The following RNPEP variants were observed in gnomAD, a reference collection of about 807,000 sequenced individuals.
The protein encoded by RNPEP is arginyl aminopeptidase, also known as aminopeptidase B.
In RNPEP, 57 loss-of-function variants were observed where a neutral mutation model predicts 70.1. The ratio of observed to expected loss-of-function variants is 0.81; its 90% CI spans 0.66 to 1.01. The LOEUF is 1.01. Ranked by LOEUF, RNPEP falls within the 50% of genes least tolerant of loss-of-function variation. RNPEP has a pLI of 0.00. For missense variants in RNPEP, 787 were observed against 852.4 expected, an observed-to-expected ratio of 0.92 and a Z score of 0.96; for synonymous variants, 335 against 357.4, an observed-to-expected ratio of 0.94 and a Z score of 0.71.
intron 8 of RNPEP, chr1:202,003,000 A>G: frequency 2.0e-6 from 1 of 489,252 alleles, no homozygotes; most frequent in Non-Finnish European, 3.7e-6. Context: ...GGCTCTGACA[A>G]CACAGTGCTA....
intron 6 of RNPEP, 27 bp from the exon 7 acceptor site, chr1:202,001,349 A>C (rs1683798206): frequency 6.5e-7 from 1 of 1,528,716 alleles, no homozygotes; most frequent in Admixed American, 1.7e-5. Flanking sequence ...CAAAAGCTCA[A>C]ATCTTGTCTG....
chr1:201,983,209 AGG>A, intron 1 of RNPEP, 96 bp downstream of exon 1: 1 of 1,392,584 alleles, frequency 7.2e-7, no homozygotes, highest in Non-Finnish European at 9.2e-7. Context: ...GAGGAGGGAC[AGG>A]GAGGACCCTT....
chr1:202,005,505 G>A, intron 10 of RNPEP, 53 bp from the exon 11 acceptor site: 1 of 1,602,018 alleles, frequency 6.2e-7, no homozygotes, highest in Non-Finnish European at 8.5e-7. Flanking sequence ...CAGCAGGGCT[G>A]GACAGATCCA....
intron 1 of RNPEP, 48 bp from the exon 2 acceptor site, chr1:201,988,856 A>G (rs1481034993): frequency 6.4e-7 from 1 of 1,567,158 alleles, no homozygotes; most frequent in Non-Finnish European, 8.7e-7. Flanking sequence ...GGCCAGACTG[A>G]GCTCGTGTGG....
At chr1:201,998,551 C>T (rs1010124995) in intron 5 of RNPEP, among the ~76,000 whole-genome samples, 4 of 152,110 alleles carry the variant, frequency 2.6e-5, no homozygotes, top group African/African-American at 7.2e-5. Flanking sequence ...CGGCCCTGAA[C>T]GTTTTAAATT....
At chr1:202,004,217 G>A in intron 9 of RNPEP, 137 bp from the exon 10 acceptor site, 1 of 874,358 alleles carries the variant, frequency 1.1e-6, no homozygotes. Context: ...TAGTAGAGAT[G>A]GGGTTTCGCC....
At position 201,983,035 on chromosome 1, in the gene RNPEP, C is replaced by A. The variant is rs1682995758; in HGVS notation, c.369C>A (p.Cys123Ter). ...TCTCGCACTATGGCCAGGCCCTGTG[C>A]GTGTCCTTCCCGCAGCCCTGCCGCG... ...QPFSHYGQALCVSFPQPCRAA... is the reference protein window; with the variant it reads ...QPFSHYGQAL The change falls in exon 1 of 11, where the codon TGC (cysteine) becomes TGA (stop). Residue 123 changes from cysteine (C) to a stop codon, truncating the protein, a stop_gained. Coordinates refer to ENST00000295640, the MANE Select transcript of RNPEP (RefSeq NM_020216.4). LOFTEE classifies it high-confidence loss of function. The A allele has an allele frequency of 6.5e-7, 1 of 1,527,414 alleles. No individual in the cohort carries two copies. Among genetic ancestry groups the A allele is most frequent in the Non-Finnish European group, 8.8e-7 (1 of 1,140,306 alleles). The allele number at this position is 1,527,414 out of a possible 1,614,324, so 94.6% of individuals were successfully genotyped here. A position where few individuals can be genotyped will look rare whatever the true frequency, so the allele number is the denominator to read the frequency against.
In RNPEP at chr1:201,988,996, T is replaced by A; in HGVS notation, c.540T>A (p.Pro180=). The change falls in exon 2 of 11, where the codon CCT becomes CCA. Residue 180 remains proline, a synonymous_variant. Transcript: ENST00000295640. ...CTGTCCTAAACCGGGCCTTCTTCCC[T>A]TGCTTCGACACGCCTGCTGTTAAAT... ...GQAVLNRAFF[P]CFDTPAVKYK... 6.2e-7 allele frequency: 1 copy of A among 1,614,190 alleles called. No homozygotes were observed. Among genetic ancestry groups the A allele is most frequent in the Non-Finnish European group, 8.5e-7 (1 of 1,180,038 alleles).
chr1:201,983,059 C>T lies in RNPEP; in HGVS notation c.393C>T (p.Arg131=). 2.6e-6 allele frequency: 4 copies of T among 1,525,926 alleles called. No homozygotes were observed. The highest frequency in any genetic ancestry group is 3.5e-6 in the Non-Finnish European group (4 of 1,142,004). The allele number at this position is 1,525,926 out of a possible 1,614,324, so 94.5% of individuals were successfully genotyped here. ...ALCVSFPQPC[R]AAERLQVLLT... ...GCGTGTCCTTCCCGCAGCCCTGCCG[C>T]GCCGCCGAGCGCCTCCAGGTGCTGC... Residue 131 remains arginine, a synonymous_variant, in exon 1 of 11, where the codon CGC becomes CGT. Transcript: ENST00000295640.
chr1:202,000,093 G>C (rs1683737021), intron 6 of RNPEP, 78 bp downstream of exon 6: 1 of 1,028,696 alleles, frequency 9.7e-7, no homozygotes, highest in African/African-American at 1.6e-5. Flanking sequence ...ACTTCATGTT[G>C]ATCAGTGCAC....
chr1:202,004,630 C>T, intron 10 of RNPEP, 134 bp downstream of exon 10: 1 of 1,066,646 alleles, frequency 9.4e-7, no homozygotes, highest in Non-Finnish European at 1.4e-6. Flanking sequence ...CCTGAGGACC[C>T]TACCACTCAG....
chr1:201,997,672 G>T, intron 5 of RNPEP, 118 bp downstream of exon 5: 1 of 675,876 alleles, frequency 1.5e-6, no homozygotes. Context: ...AGGCAGTAGT[G>T]TGTATCCAAC....
rs1683914416 is a variant in RNPEP at position 202,003,389 on chromosome 1, A to G, written c.1579A>G (p.Ile527Val). 10 of 1,614,166 alleles carry G rather than the reference A, an allele frequency of 6.2e-6. No homozygotes were observed. Among genetic ancestry groups the G allele is most frequent in the Admixed American group, 1.7e-5 (1 of 60,022 alleles). ...LDMKAIEAVA[I>V]SPWKTYQLVY... ...CATGAAGGCCATTGAAGCCGTGGCCATCTCTCCCTGGAAGACCTACCAGCT... is the reference window on the plus strand; with the variant it reads ...CATGAAGGCCATTGAAGCCGTGGCCGTCTCTCCCTGGAAGACCTACCAGCT... Residue 527 changes from isoleucine (I) to valine (V), a missense_variant, in exon 9 of 11, where the codon ATC becomes GTC. By Grantham distance (29) the Ile-to-Val change is conservative. Transcript: ENST00000295640.
In RNPEP at chr1:201,988,898, G is replaced by A. The variant is rs781489970; in HGVS notation, c.448-6G>A. 70 of 1,606,460 alleles carry A rather than the reference G, an allele frequency of 4.4e-5. No individual in the cohort carries two copies. Among genetic ancestry groups the A allele is most frequent in the Non-Finnish European group, 5.7e-5 (67 of 1,176,740 alleles). ...TCAGTTCTGAAATGTTCTTCTTTTC[G>A]CTTAGGTTTGCTGGTTGGCTCCCGA... On this transcript the variant is annotated splice_polypyrimidine_tract_variant and splice_region_variant and intron_variant, in intron 1 of 10. Transcript: ENST00000295640.
chr1:202,001,294 T>A, intron 6 of RNPEP, 82 bp from the exon 7 acceptor site: 1 of 950,636 alleles, frequency 1.1e-6, no homozygotes, highest in Non-Finnish European at 1.7e-6. Context: ...CCATCGCTAG[T>A]CTTTGACTGT....
In RNPEP at chr1:202,003,355, G is replaced by A; in HGVS notation, c.1545G>A (p.Glu515=). ...AGCTAGCCCAACTGTGGGCAGCCGAGGAGCTGGACATGAAGGCCATTGAAG... is the reference window on the plus strand; with the variant it reads ...AGCTAGCCCAACTGTGGGCAGCCGAAGAGCTGGACATGAAGGCCATTGAAG... ...AEELAQLWAA[E]ELDMKAIEAV... The change falls in exon 9 of 11, where the codon GAG becomes GAA. Residue 515 remains glutamate (E), a synonymous_variant. Coordinates refer to ENST00000295640, the MANE Select transcript of RNPEP (RefSeq NM_020216.4). The A allele has an allele frequency of 6.2e-7, 1 of 1,614,180 alleles. No homozygotes were observed. The highest frequency in any genetic ancestry group is 8.5e-7 in the Non-Finnish European group (1 of 1,180,036).
intron 4 of RNPEP, chr1:201,996,489 G>GTGTGTGTT (rs897469870): frequency 2.5e-6 from 1 of 399,150 alleles, no homozygotes; most frequent in Non-Finnish European, 4.6e-6. Context: ...GTGTGTGTGT[G>GTGTGTGTT]TGTGTGTGTG....
chr1:201,994,932 G>A (rs552910941), intron 3 of RNPEP, among the ~76,000 whole-genome samples: 9 of 147,648 alleles, frequency 6.1e-5, no homozygotes, highest in East Asian at 2.0e-4. Context: ...CACCCACTTC[G>A]GCCTACCGAA....
rs537753016 is a variant in RNPEP, at chr1:201,984,225, G to T, written c.447+1112G>T. Among the ~76,000 whole-genome samples the T allele has an allele frequency of 2.6e-5, 4 of 152,276 alleles. No homozygotes were observed. In the East Asian group the frequency reaches 5.8e-4, roughly 22 times the overall value. On this transcript the variant is annotated intron_variant, in intron 1 of 10. Transcript: ENST00000295640. ...TGGGATTACAGGCGTGAGCCACTGC[G>T]CCCGGCCCACAGCTTGGTTTTATAC... is the stretch of plus-strand genomic sequence containing the variant.
Sources: allele counts gnomAD v4.1 joint callset (sites outside exome capture counted in the v4.1 genomes callset), GRCh38; gene constraint gnomAD v4.1.1; transcripts MANE v1.5; gene names NCBI Gene and HGNC (gene_info 2026-07-23, HGNC 2026-07-21).